The following PPP2R5C variants were observed in gnomAD, a reference collection of about 807,000 sequenced individuals.
PPP2R5C encodes protein phosphatase 2 regulatory subunit B'gamma.
PPP2R5C carries 7 observed loss-of-function variants against 68.9 expected under a neutral mutation model. That is an observed-to-expected ratio of 0.10 (90% CI 0.06 to 0.19). PPP2R5C has a LOEUF of 0.19. PPP2R5C is among the 10% of genes least tolerant of loss of function. PPP2R5C has a pLI of 1.00. For missense variants in PPP2R5C, 348 were observed against 641.3 expected (o/e 0.54, Z 4.94); for synonymous variants, 210 against 222.2 (o/e 0.95, Z 0.49).
chr14:101,878,358 C>T (rs1259546302), intron 2 of PPP2R5C, among the ~76,000 whole-genome samples: 1 of 152,204 alleles, frequency 6.6e-6, no homozygotes, highest in Non-Finnish European at 1.5e-5. Flanking sequence ...ATCTGAGTCA[C>T]CTTGCAGGCC....
At chr14:101,894,438 G>A in intron 7 of PPP2R5C, 69 bp from the exon 10 acceptor site, 1 of 1,468,376 alleles carries the variant, frequency 6.8e-7, no homozygotes, top group Non-Finnish European at 9.5e-7. Flanking sequence ...GTTTAACGAT[G>A]ATTCTAGAAG....
intron 2 of PPP2R5C, among the ~76,000 whole-genome samples, chr14:101,869,846 C>A (rs929484726): frequency 6.6e-6 from 1 of 151,922 alleles, no homozygotes; most frequent in Non-Finnish European, 1.5e-5. Context: ...GAGACAAGGT[C>A]TCACTGTGTT....
intron 2 of PPP2R5C, among the ~76,000 whole-genome samples, chr14:101,869,903 C>G (rs2043285438): frequency 6.6e-6 from 1 of 152,196 alleles, no homozygotes. Context: ...CCCCCTGCCT[C>G]AGCCTATGAA....
intron 2 of PPP2R5C, among the ~76,000 whole-genome samples, chr14:101,863,222 C>T (rs2042858861): frequency 1.3e-5 from 2 of 151,844 alleles, no homozygotes; most frequent in Non-Finnish European, 2.9e-5. Context: ...GCAGGAGAAT[C>T]GCTTGAACTT....
chr14:101,761,699 C>CGTG, upstream of PPP2R5C: 2 of 309,270 alleles, frequency 6.5e-6, no homozygotes, highest in African/African-American at 4.8e-5. Flanking sequence ...CCGCCGCCGC[C>CGTG]GCCGCCGCCG....
intron 2 of PPP2R5C, among the ~76,000 whole-genome samples, chr14:101,870,116 C>G (rs1414947502): frequency 2.6e-5 from 3 of 117,638 alleles, no homozygotes; most frequent in Non-Finnish European, 4.9e-5. Context: ...AGATTTTTTG[C>G]GAGATACATG....
intron 2 of PPP2R5C, among the ~76,000 whole-genome samples, chr14:101,880,101 A>G (rs1208522635): frequency 1.1e-4 from 16 of 152,194 alleles, no homozygotes; most frequent in Non-Finnish European, 1.5e-5. Flanking sequence ...GGCTCCTTGC[A>G]GTGCCCTATA....
upstream of PPP2R5C, among the ~76,000 whole-genome samples, chr14:101,809,322 T>C (rs144642325): frequency 2.1e-4 from 32 of 151,626 alleles, no homozygotes; most frequent in African/African-American, 7.0e-4. Flanking sequence ...CTCATCCTAT[T>C]GGTAAGGGAA....
At chr14:101,761,854 G>A, upstream of PPP2R5C, 1 of 1,067,040 alleles carries the variant, frequency 9.4e-7, no homozygotes, top group Non-Finnish European at 1.1e-6. Flanking sequence ...GGGGCAGGCG[G>A]CGGCAGGGGC....
At chr14:101,786,973 C>A (rs887188084) in intron 3 of PPP2R5C, among the ~76,000 whole-genome samples, 1 of 152,178 alleles carries the variant, frequency 6.6e-6, no homozygotes, top group Non-Finnish European at 1.5e-5. Flanking sequence ...AATTCAGCAA[C>A]CAGTCCAGTG....
chr14:101,876,455 TTA>T (rs2043788166), intron 2 of PPP2R5C, among the ~76,000 whole-genome samples: 1 of 152,182 alleles, frequency 6.6e-6, no homozygotes, highest in Non-Finnish European at 1.5e-5. Context: ...CTTAAAATTT[TTA>T]TATGTTACAC....
chr14:101,787,977 T>C (rs867997590), intron 3 of PPP2R5C, among the ~76,000 whole-genome samples: 1 of 152,134 alleles, frequency 6.6e-6, no homozygotes, highest in South Asian at 2.1e-4. Context: ...CTATTCTAGG[T>C]ACTAGGGGTA....
chr14:101,857,333 G>A (rs2042480466), intron 2 of PPP2R5C, among the ~76,000 whole-genome samples: 1 of 152,220 alleles, frequency 6.6e-6, no homozygotes, highest in Non-Finnish European at 1.5e-5. Flanking sequence ...GCTGGTGTCA[G>A]AATAGTTCAT....
intron 2 of PPP2R5C, among the ~76,000 whole-genome samples, chr14:101,874,370 C>A (rs897495891): frequency 1.3e-5 from 2 of 152,140 alleles, no homozygotes; most frequent in African/African-American, 4.8e-5. Flanking sequence ...GATAGCTGTT[C>A]GCTATAAAAT....
At chr14:101,829,477 G>C (rs2040603779) in intron 1 of PPP2R5C, among the ~76,000 whole-genome samples, 1 of 152,132 alleles carries the variant, frequency 6.6e-6, no homozygotes, top group Non-Finnish European at 1.5e-5. Flanking sequence ...CCTGGACTTG[G>C]GGTTCTGGGC....
chr14:101,785,695 AT>A (rs2038060535), intron 2 of PPP2R5C, among the ~76,000 whole-genome samples: 1 of 152,202 alleles, frequency 6.6e-6, no homozygotes, highest in African/African-American at 2.4e-5. Context: ...AAGGTCCCAT[AT>A]TCACCAGTTC....
At chr14:101,761,769 G>C (rs2036549609), upstream of PPP2R5C, 2 of 968,654 alleles carry the variant, frequency 2.1e-6, no homozygotes, top group South Asian at 9.4e-5. Flanking sequence ...GCAAGCGAAA[G>C]ACTCAGTCCC....
At chr14:101,784,309 G>A (rs767972502) in intron 2 of PPP2R5C, among the ~76,000 whole-genome samples, 81 of 152,188 alleles carry the variant, frequency 5.3e-4, no homozygotes, top group Admixed American at 3.9e-4. Flanking sequence ...GTAGGTTTGT[G>A]TCTCCAGGAT....
chr14:101,813,064 G>A (rs1323496018), intron 1 of PPP2R5C, among the ~76,000 whole-genome samples: 1 of 152,216 alleles, frequency 6.6e-6, no homozygotes, highest in Admixed American at 6.5e-5. Flanking sequence ...ACTCTCAGCT[G>A]TGTCCAGGAG....
Sources: gnomAD v4.1 joint callset for allele counts (sites outside exome capture counted in the v4.1 genomes callset) on GRCh38, gnomAD v4.1.1 for gene constraint, MANE v1.5 for transcripts, NCBI Gene and HGNC (gene_info 2026-07-23, HGNC 2026-07-21) for gene names.